The following UNC13A variants were observed in gnomAD, a reference collection of about 807,000 sequenced individuals.
UNC13A encodes the protein protein unc-13 homolog A.
Under a neutral mutation model 219.7 loss-of-function variants are expected in UNC13A, and 61 were observed. That is an observed-to-expected ratio of 0.28 (90% confidence interval 0.23 to 0.34). The LOEUF is 0.34. Among genes scored for constraint, UNC13A ranks in the 10% least tolerant of loss-of-function variants. The pLI is 1.00. For synonymous variants in UNC13A, 920 were observed against 884.6 expected, an observed-to-expected ratio of 1.04 and a Z score of -0.71; for missense variants, 1,476 against 2,270.3, an observed-to-expected ratio of 0.65 and a Z score of 7.11.
At chr19:17,681,848 C>A (rs542505165) in intron 1 of UNC13A, among the ~76,000 whole-genome samples, 13 of 152,096 alleles carry the variant, frequency 8.5e-5, no homozygotes, top group Non-Finnish European at 1.8e-4. Flanking sequence ...CCTCTTGGAG[C>A]GCTCCTCGGG....
At chr19:17,663,194 G>C (rs1375305071) in intron 8 of UNC13A, among the ~76,000 whole-genome samples, 1 of 152,076 alleles carries the variant, frequency 6.6e-6, no homozygotes. Flanking sequence ...CTACAGGAGA[G>C]GAGGTGAGGT....
intron 4 of UNC13A, among the ~76,000 whole-genome samples, chr19:17,671,273 A>T (rs2079782971): frequency 6.6e-6 from 1 of 152,110 alleles, no homozygotes; most frequent in Admixed American, 6.6e-5. Context: ...AAAGGTTCAG[A>T]GGGTGGAATC....
intron 42 of UNC13A, among the ~76,000 whole-genome samples, 152 bp downstream of exon 42, chr19:17,611,611 G>T (rs1257995486): frequency 6.6e-6 from 1 of 152,226 alleles, no homozygotes; most frequent in Non-Finnish European, 1.5e-5. Context: ...TACACTGCTG[G>T]ATCCAGCCAT....
At chr19:17,662,144 C>T (rs12971384) in intron 8 of UNC13A, among the ~76,000 whole-genome samples, 3 of 151,526 alleles carry the variant, frequency 2.0e-5, no homozygotes, top group Admixed American at 6.6e-5. Flanking sequence ...TTGGGAGGCT[C>T]AGGTACGAGA....
At chr19:17,648,287 C>G in intron 16 of UNC13A, 144 bp downstream of exon 16, 1 of 686,110 alleles carries the variant, frequency 1.5e-6, no homozygotes, top group Non-Finnish European at 2.1e-6. Context: ...TTCAGCGAGT[C>G]CCTCCCCTGC....
intron 4 of UNC13A, 41 bp downstream of exon 4, chr19:17,672,337 G>C (rs1444122899): frequency 6.5e-7 from 1 of 1,538,518 alleles, no homozygotes; most frequent in Non-Finnish European, 9.0e-7. Flanking sequence ...GCTTCTGCAA[G>C]GCACTCCTCC....
At chr19:17,667,256 GA>G (rs71336632) in intron 6 of UNC13A, among the ~76,000 whole-genome samples, 21 of 142,170 alleles carry the variant, frequency 1.5e-4, no homozygotes, top group East Asian at 8.7e-4. Context: ...TCTCAAAAAA[GA>G]AAAAAAAAAA....
chr19:17,661,198 C>G (rs2079545614), intron 8 of UNC13A, among the ~76,000 whole-genome samples: 1 of 151,784 alleles, frequency 6.6e-6, no homozygotes, highest in Admixed American at 6.6e-5. Flanking sequence ...CTCAGCCTCC[C>G]AAAGTGTTGG....
chr19:17,676,129 C>G (rs1471443529), intron 1 of UNC13A, 88 bp from the exon 2 acceptor site: 1 of 1,330,066 alleles, frequency 7.5e-7, no homozygotes, highest in Non-Finnish European at 1.1e-6. Context: ...AGAGACACAC[C>G]AAGATGGAGA....
At chr19:17,652,339 C>T (rs1568527912) in intron 12 of UNC13A, among the ~76,000 whole-genome samples, 1 of 152,110 alleles carries the variant, frequency 6.6e-6, no homozygotes, top group Admixed American at 6.6e-5. Flanking sequence ...ACCATGTTGG[C>T]CAGGCTGGTT....
rs117867466 is a variant in UNC13A at position 17,603,880 on chromosome 19, C to G, written c.*2174G>C. ...AGGCTGGAGTGCAGTTGTGTGATCA[C>G]GACTCACTACAACCTCTGCCTCCAG... On this transcript the variant is annotated 3_prime_UTR_variant, in exon 44 of 44. Transcript: ENST00000519716. 4.0e-5 allele frequency: 6 copies of G among 151,368 alleles called. No individual in the cohort carries two copies. The highest frequency in any genetic ancestry group is 1.5e-4 in the African/African-American group (6 of 41,092). The allele number at this position is 151,368 out of a possible 1,614,324, so 9.4% of individuals were successfully genotyped here.
intron 17 of UNC13A, among the ~76,000 whole-genome samples, chr19:17,646,840 C>T (rs1418126092): frequency 1.3e-5 from 2 of 152,182 alleles, no homozygotes; most frequent in Non-Finnish European, 2.9e-5. Context: ...CTAAGTGGGG[C>T]CACACTGAGC....
chr19:17,630,364 C>G, intron 29 of UNC13A, 76 bp from the exon 30 acceptor site: 2 of 1,526,092 alleles, frequency 1.3e-6, no homozygotes, highest in Non-Finnish European at 8.8e-7. Context: ...CTCCCACTCT[C>G]CACGGGGAGA....
intron 25 of UNC13A, among the ~76,000 whole-genome samples, chr19:17,637,486 G>A (rs1409602124): frequency 1.3e-5 from 2 of 151,884 alleles, no homozygotes; most frequent in Admixed American, 1.3e-4. Context: ...TTTTAGTAGA[G>A]ACGGGGTTTC....
intron 31 of UNC13A, among the ~76,000 whole-genome samples, chr19:17,628,637 A>G (rs1301827605): frequency 1.3e-5 from 2 of 152,170 alleles, no homozygotes. Flanking sequence ...GATGTGTTGT[A>G]TAGTTGAACA....
chr19:17,683,675 A>T (rs185167293), intron 1 of UNC13A, among the ~76,000 whole-genome samples: 20 of 152,110 alleles, frequency 1.3e-4, no homozygotes, highest in Non-Finnish European at 2.6e-4. Flanking sequence ...AAACAAACAA[A>T]CAAAAAAGCT....
Position 17,649,481 on chromosome 19 carries a change from T to G in UNC13A, c.1518+28A>C, listed in dbSNP as rs1208257844. 7 of 1,613,788 alleles carry G rather than the reference T, an allele frequency of 4.3e-6. No individual in the cohort carries two copies. The highest frequency in any genetic ancestry group is 5.9e-6 in the Non-Finnish European group (7 of 1,179,874). On this transcript the variant is annotated intron_variant, in intron 13 of 43. Transcript: ENST00000519716. This position sits in a 1 kb window ranked among gnomAD's most constrained non-coding sequence, Gnocchi z 4.4. ...ACTGCTTATAGCAGGCCTGCTCTGC[T>G]CAGGGAGTAAAGGGCGAGGGTGCTT... is the stretch of plus-strand genomic sequence containing the variant.
At chr19:17,681,069 C>CTT (rs71929988) in intron 1 of UNC13A, among the ~76,000 whole-genome samples, 6,784 of 96,028 alleles carry the variant, frequency 0.071, 418 homozygotes, top group African/African-American at 0.14. Flanking sequence ...TTGGCTATTC[C>CTT]TTTTTTTTTT....
chr19:17,652,810 T>G, intron 11 of UNC13A, 133 bp from the exon 12 acceptor site: 5 of 935,182 alleles, frequency 5.3e-6, no homozygotes, highest in Middle Eastern at 3.0e-4. Flanking sequence ...CTGAGTGATT[T>G]TAGGAAGCTC....
Sources: allele counts gnomAD v4.1 joint callset (sites outside exome capture counted in the v4.1 genomes callset), GRCh38; gene constraint gnomAD v4.1.1; non-coding constraint Gnocchi (gnomAD v3.1); transcripts MANE v1.5; gene names NCBI Gene and HGNC (gene_info 2026-07-23, HGNC 2026-07-21).